Variants in BCL2L14 observed in about 807,000 individuals in gnomAD.
The protein encoded by BCL2L14 is apoptosis facilitator Bcl-2-like protein 14.
In BCL2L14, 27 loss-of-function variants were observed where a neutral mutation model predicts 35.3. That is an observed-to-expected ratio of 0.76 (90% CI 0.56 to 1.05). The LOEUF is 1.05. BCL2L14 is among the 50% of genes least tolerant of loss of function. The pLI, the probability that BCL2L14 is intolerant of heterozygous loss-of-function variation, is 0.00. For missense variants in BCL2L14, 377 were observed against 382.6 expected, an observed-to-expected ratio of 0.99 and a Z score of 0.12; for synonymous variants, 139 against 145.9, an observed-to-expected ratio of 0.95 and a Z score of 0.34.
chr12:12,077,219 G>T (rs1948800668), intron 1 of BCL2L14, among the ~76,000 whole-genome samples: 1 of 152,136 alleles, frequency 6.6e-6, no homozygotes, highest in Non-Finnish European at 1.5e-5. Flanking sequence ...ACCAGAAAGG[G>T]AAGGGAACAT....
intron 2 of BCL2L14, among the ~76,000 whole-genome samples, chr12:12,080,000 T>A (rs575082249): frequency 2.0e-5 from 3 of 151,704 alleles, no homozygotes; most frequent in Non-Finnish European, 4.4e-5. Context: ...GTCAGGAGAT[T>A]GAGACCATCC....
In BCL2L14 at chr12:12,086,233, G is replaced by A. The variant is rs147074734; in HGVS notation, c.434-980G>A. ...CTCAGGAGGCTGAGGTGGGACAATCGCTTGAGCCTGAGAGATCCAAGCTGC... is the reference window on the plus strand; with the variant it reads ...CTCAGGAGGCTGAGGTGGGACAATCACTTGAGCCTGAGAGATCCAAGCTGC... On this transcript the variant is annotated intron_variant, in intron 2 of 5. Transcript: ENST00000308721. Among the ~76,000 whole-genome samples the A allele has an allele frequency of 6.6e-5, 10 of 152,270 alleles. No individual in the cohort carries two copies. The East Asian group carries it at 1.9e-3, about 29-fold the overall frequency.
chr12:12,079,277 A>G, intron 1 of BCL2L14, 22 bp from the exon 2 acceptor site: 1 of 1,598,894 alleles, frequency 6.3e-7, no homozygotes, highest in Non-Finnish European at 8.5e-7. Flanking sequence ...AGAAGGGCAC[A>G]GTGTGGACTT....
chr12:12,057,848 G>A (rs1031774725), intron 2 of BCL2L14, among the ~76,000 whole-genome samples: 2 of 147,248 alleles, frequency 1.4e-5, no homozygotes, highest in African/African-American at 2.5e-5. Context: ...TTAGCGTCAT[G>A]GGCCTTAAAG....
At chr12:12,093,393 G>T (rs1030748966) in intron 4 of BCL2L14, among the ~76,000 whole-genome samples, 2 of 152,238 alleles carry the variant, frequency 1.3e-5, no homozygotes, top group African/African-American at 4.8e-5. Context: ...AGCTCCTGGG[G>T]AGGCCGAGGT....
At chr12:12,096,281 C>T (rs1383618034) in intron 5 of BCL2L14, 1 of 624,302 alleles carries the variant, frequency 1.6e-6, no homozygotes, top group Admixed American at 6.3e-5. Flanking sequence ...GGCTAGCTCT[C>T]AAAAATCTGT....
chr12:12,089,884 T>C (rs542501248), intron 3 of BCL2L14, among the ~76,000 whole-genome samples: 1 of 152,356 alleles, frequency 6.6e-6, no homozygotes, highest in Non-Finnish European at 1.5e-5. Flanking sequence ...ATCTGAAAGA[T>C]ATCTTTGTAA....
rs150017586 is a variant in BCL2L14 at position 12,099,108 on chromosome 12, C to T, written c.*120C>T. 1.3e-3 allele frequency: 978 copies of T among 732,908 alleles called. 14 individuals are homozygous for T. The African/African-American group carries it at 0.016, about 12-fold the overall frequency. 45.4% of individuals were successfully genotyped at this position (732,908 alleles called of 1,614,324 possible). On this transcript the variant is annotated 3_prime_UTR_variant, in exon 6 of 6. Coordinates refer to ENST00000308721, the MANE Select transcript of BCL2L14 (RefSeq NM_138723.2). ...AGATGGAGCATTGACGTTTTCAAAA[C>T]CATTATTCCTGTGACTGGAGAGGCA... is the stretch of plus-strand genomic sequence containing the variant.
At chr12:12,085,078 C>A (rs995734508) in intron 2 of BCL2L14, among the ~76,000 whole-genome samples, 1 of 85,932 alleles carries the variant, frequency 1.2e-5, no homozygotes, top group Non-Finnish European at 2.4e-5. Context: ...AGCGAGACTC[C>A]GTCTCAAAAA....
chr12:12,075,724 C>T (rs891644761), intron 1 of BCL2L14, among the ~76,000 whole-genome samples: 2 of 152,150 alleles, frequency 1.3e-5, no homozygotes, highest in South Asian at 2.1e-4. Flanking sequence ...CGTCCCCTGC[C>T]GGATATGTTT....
intron 1 of BCL2L14, among the ~76,000 whole-genome samples, chr12:12,077,152 C>T (rs1301407165): frequency 1.3e-5 from 2 of 152,156 alleles, no homozygotes; most frequent in African/African-American, 4.8e-5. Flanking sequence ...CTTAATATTA[C>T]TGCAGCTTCT....
intron 1 of BCL2L14, among the ~76,000 whole-genome samples, chr12:12,073,596 GCA>G (rs1386131628): frequency 6.7e-6 from 1 of 149,834 alleles, no homozygotes; most frequent in Non-Finnish European, 1.5e-5. Flanking sequence ...AAACATGCAT[GCA>G]CGCGCACACA....
At chr12:12,053,019 G>C (rs1025726417) in intron 2 of BCL2L14, among the ~76,000 whole-genome samples, 2 of 152,146 alleles carry the variant, frequency 1.3e-5, no homozygotes, top group Non-Finnish European at 2.9e-5. Context: ...TCACCATTCT[G>C]ATCAGGTCCC....
At chr12:12,069,282 A>C (rs1310889530), upstream of BCL2L14, among the ~76,000 whole-genome samples, 2 of 152,110 alleles carry the variant, frequency 1.3e-5, no homozygotes, top group African/African-American at 4.8e-5. Flanking sequence ...CTGGCTTCAG[A>C]GTGATCCTCT....
upstream of BCL2L14, chr12:12,068,030 C>G (rs1288113230): frequency 1.0e-5 from 4 of 393,158 alleles, no homozygotes; most frequent in East Asian, 3.6e-5. Flanking sequence ...GCCCCCGGCC[C>G]CCTGCCAGGC....
chr12:12,049,861 A>G (rs576665216), upstream of BCL2L14: 1 of 152,268 alleles, frequency 6.6e-6, no homozygotes, highest in East Asian at 1.9e-4. Flanking sequence ...CTAAGGTCCC[A>G]GTGCTTTCGC....
chr12:12,064,128 G>C (rs1442372886), intron 2 of BCL2L14, among the ~76,000 whole-genome samples: 1 of 152,012 alleles, frequency 6.6e-6, no homozygotes, highest in Non-Finnish European at 1.5e-5. Context: ...GGGATTACAG[G>C]CATGAGCCAC....
rs183276937 is a variant in BCL2L14, at chr12:12,086,272, C to T, written c.434-941C>T. Reference sequence around the variant, plus strand: ...GATCCAAGCTGCAGTGAGCTGTGATCACACCACTGCACTCCAGCCTGGGTG... The same window carrying T: ...GATCCAAGCTGCAGTGAGCTGTGATTACACCACTGCACTCCAGCCTGGGTG... On this transcript the variant is annotated intron_variant, in intron 2 of 5. Coordinates refer to ENST00000308721, the MANE Select transcript of BCL2L14 (RefSeq NM_138723.2). 1.4e-3 allele frequency among the ~76,000 whole-genome samples: 213 copies of T among 152,258 alleles called. 2 individuals are homozygous for T. Among genetic ancestry groups the T allele is most frequent in the African/African-American group, 4.9e-3 (203 of 41,534 alleles).
intron 2 of BCL2L14, among the ~76,000 whole-genome samples, chr12:12,086,894 A>G (rs1056639742): frequency 2.0e-5 from 3 of 152,260 alleles, no homozygotes; most frequent in South Asian, 2.1e-4. Flanking sequence ...CCTTCAAGTA[A>G]AGAGCTAAGC....
Sources: allele counts gnomAD v4.1 joint callset (sites outside exome capture counted in the v4.1 genomes callset), GRCh38; gene constraint gnomAD v4.1.1; transcripts MANE v1.5; gene names NCBI Gene and HGNC (gene_info 2026-07-23, HGNC 2026-07-21).